Variants in COL22A1 observed in about 807,000 individuals in gnomAD.
COL22A1 encodes the protein collagen alpha-1(XXII) chain.
COL22A1 carries 221 observed loss-of-function variants against 248.9 expected under a neutral mutation model. The observed-to-expected ratio is 0.89, with a 90% CI of 0.80 to 0.99. COL22A1 has a LOEUF of 0.99. Ranked by LOEUF, COL22A1 falls within the 50% of genes least tolerant of loss-of-function variation. COL22A1 has a pLI of 0.00. For missense variants in COL22A1, 2,240 were observed against 2,179.0 expected (o/e 1.03, Z -0.56); for synonymous variants, 891 against 793.4 (o/e 1.12, Z -2.07).
Position 138,596,952 on chromosome 8 carries a change from C to T in COL22A1, c.4384G>A (p.Glu1462Lys). The T allele has an allele frequency of 7.4e-6, 12 of 1,614,038 alleles. No homozygotes were observed. Among genetic ancestry groups the T allele is most frequent in the Non-Finnish European group, 1.0e-5 (12 of 1,179,932 alleles). The change falls in exon 62 of 65, where the codon GAA becomes AAA. Residue 1462 changes from glutamate to lysine, a missense_variant. By Grantham distance (56) the Glu-to-Lys change is moderately conservative. Coordinates refer to ENST00000303045, the MANE Select transcript of COL22A1 (RefSeq NM_152888.3). ...TCTTGAATAAGCCGACGCAGGGTTT[C>T]CATGGATGGAGACTCCCCCTAGGAG... Reference protein sequence around the residue: ...PGLRGESPSMETLRRLIQEEL... With the variant: ...PGLRGESPSMKTLRRLIQEEL...
intron 41 of COL22A1, among the ~76,000 whole-genome samples, chr8:138,667,185 T>G (rs1400946029): frequency 6.6e-6 from 1 of 152,230 alleles, no homozygotes; most frequent in Non-Finnish European, 1.5e-5. Flanking sequence ...TACAACCCTC[T>G]TCTCTGAAAT....
intron 40 of COL22A1, among the ~76,000 whole-genome samples, chr8:138,677,038 A>G (rs868120818): frequency 4.6e-5 from 7 of 152,318 alleles, no homozygotes; most frequent in Non-Finnish European, 7.3e-5. Context: ...TCACCCATAA[A>G]TTAATTTATC....
intron 60 of COL22A1, among the ~76,000 whole-genome samples, chr8:138,600,129 G>A (rs1231148748): frequency 6.6e-6 from 1 of 152,206 alleles, no homozygotes; most frequent in Non-Finnish European, 1.5e-5. Context: ...CGGGACCAAT[G>A]ATTTGGGAAC....
intron 49 of COL22A1, among the ~76,000 whole-genome samples, chr8:138,632,851 A>G (rs928603057): frequency 9.9e-5 from 15 of 152,216 alleles, no homozygotes; most frequent in Admixed American, 2.6e-4. Context: ...TCCAAAGCTA[A>G]TATAACAAAT....
intron 22 of COL22A1, among the ~76,000 whole-genome samples, chr8:138,750,133 T>C (rs1008330831): frequency 6.6e-6 from 1 of 152,210 alleles, no homozygotes; most frequent in African/African-American, 2.4e-5. Flanking sequence ...TTGCTCCTCC[T>C]TGCCTTCTGC....
chr8:138,602,246 T>G, intron 59 of COL22A1, 87 bp from the exon 60 acceptor site: 2 of 1,470,426 alleles, frequency 1.4e-6, no homozygotes, highest in South Asian at 1.1e-5. Flanking sequence ...CAGTCCTGCA[T>G]GCTGAGGACA....
In COL22A1 at chr8:138,764,651, C is replaced by A. The variant is rs1489026433; in HGVS notation, c.1804-2185G>T. On this transcript the variant is annotated intron_variant, in intron 16 of 64. Transcript: ENST00000303045. ...ATTGATGTACACTTGTATTTTCAAT[C>A]ACAATTATACACTAATCTTTTAAAA... 2.6e-5 allele frequency among the ~76,000 whole-genome samples: 4 copies of A among 152,222 alleles called. No individual in the cohort carries two copies. The East Asian group carries it at 5.8e-4, about 22-fold the overall frequency.
chr8:138,705,115 G>C (rs1828310145), intron 30 of COL22A1, among the ~76,000 whole-genome samples: 1 of 152,118 alleles, frequency 6.6e-6, no homozygotes, highest in South Asian at 2.1e-4. Context: ...AAAGCCTCCA[G>C]GAAATATGGG....
At position 138,853,822 on chromosome 8, in the gene COL22A1, A is replaced by T. The variant is rs528864637; in HGVS notation, c.659-9664T>A. 3.3e-5 allele frequency among the ~76,000 whole-genome samples: 5 copies of T among 152,318 alleles called. No individual in the cohort carries two copies. The South Asian group carries it at 1.0e-3, about 32-fold the overall frequency. On this transcript the variant is annotated intron_variant, in intron 3 of 64. Coordinates refer to ENST00000303045, the MANE Select transcript of COL22A1 (RefSeq NM_152888.3). The stretch of plus-strand genomic sequence containing the variant: ...CTCAGAAGGGAAGACGAACACTTAC[A>T]AGAGTAAGAGACTGCTCCAAAGTAA...
chr8:138,808,581 T>A (rs1381437192), intron 9 of COL22A1, among the ~76,000 whole-genome samples: 1 of 152,232 alleles, frequency 6.6e-6, no homozygotes, highest in South Asian at 2.1e-4. Flanking sequence ...GATTTACAAA[T>A]GTAATCTGTA....
chr8:138,814,809 T>C (rs1209474701), intron 7 of COL22A1, among the ~76,000 whole-genome samples: 3 of 152,274 alleles, frequency 2.0e-5, no homozygotes, highest in East Asian at 1.9e-4. Flanking sequence ...ATGGGATAAC[T>C]TGTTACACAG....
At chr8:138,788,551 A>C (rs368516529) in intron 12 of COL22A1, among the ~76,000 whole-genome samples, 1 of 152,298 alleles carries the variant, frequency 6.6e-6, no homozygotes, top group South Asian at 2.1e-4. Flanking sequence ...AATTTGAAGA[A>C]AGGGAAGGTT....
rs1422182441 is a variant in COL22A1 at position 138,813,039 on chromosome 8, G to A, written c.1246-20C>T. 2 of 1,603,698 alleles carry A rather than the reference G, an allele frequency of 1.2e-6. No homozygotes were observed. The highest frequency in any genetic ancestry group is 1.7e-4 in the Middle Eastern group (1 of 6,048). On this transcript the variant is annotated intron_variant, in intron 7 of 64. Coordinates refer to ENST00000303045, the MANE Select transcript of COL22A1 (RefSeq NM_152888.3). ...GTCAAACTGGAAAGGAAAGCAAGGA[G>A]AGAGGATAAGTTTTAGGGACTTTGG... is the stretch of plus-strand genomic sequence containing the variant.
At position 138,663,699 on chromosome 8, in the gene COL22A1, C is replaced by T. The variant is rs1055086795; in HGVS notation, c.3186+6G>A. On this transcript the variant is annotated splice_donor_region_variant and intron_variant, in intron 42 of 64. Transcript: ENST00000303045. ...AACTCATCCCTTTATTTAAAGCATA[C>T]TGTACCGGGGATCCTTTGTCTCCTG... The T allele has an allele frequency of 6.2e-7, 1 of 1,604,250 alleles. No homozygotes were observed. The highest frequency in any genetic ancestry group is 8.5e-7 in the Non-Finnish European group (1 of 1,170,948).
At chr8:138,832,944 G>T in intron 5 of COL22A1, 95 bp downstream of exon 5, 1 of 792,332 alleles carries the variant, frequency 1.3e-6, no homozygotes, top group African/African-American at 1.7e-5. Flanking sequence ...GTTAAAGCCC[G>T]GCTCGGTGCC....
chr8:138,610,180 C>T (rs143642012), intron 56 of COL22A1, among the ~76,000 whole-genome samples: 35 of 152,292 alleles, frequency 2.3e-4, no homozygotes, highest in Middle Eastern at 3.4e-3. Flanking sequence ...TCCGTGAATG[C>T]GGACAGAAAT....
At chr8:138,691,805 CG>C in intron 35 of COL22A1, among the ~76,000 whole-genome samples, 1 of 15,958 alleles carries the variant, frequency 6.3e-5, no homozygotes, top group Non-Finnish European at 1.4e-4. Context: ...TGTGTGTGTA[CG>C]TGTGTGTGCA....
intron 22 of COL22A1, among the ~76,000 whole-genome samples, chr8:138,738,715 C>T (rs1189720651): frequency 6.6e-6 from 1 of 152,158 alleles, no homozygotes; most frequent in Non-Finnish European, 1.5e-5. Flanking sequence ...GAAGCCTGTA[C>T]CAATATTGCT....
At chr8:138,688,180 T>G (rs1251930982) in intron 37 of COL22A1, among the ~76,000 whole-genome samples, 1 of 31,136 alleles carries the variant, frequency 3.2e-5, no homozygotes, top group Non-Finnish European at 9.6e-5. Flanking sequence ...CCTCTGGGTT[T>G]TTTTTTTTTT....
Sources: gnomAD v4.1 joint callset for allele counts (sites outside exome capture counted in the v4.1 genomes callset) on GRCh38, gnomAD v4.1.1 for gene constraint, MANE v1.5 for transcripts, NCBI Gene and HGNC (gene_info 2026-07-23, HGNC 2026-07-21) for gene names.